SSBP2: variants seen among roughly 807,000 people sequenced by gnomAD.
The protein encoded by SSBP2 is single stranded DNA binding protein 2.
In SSBP2, 17 loss-of-function variants were observed where a neutral mutation model predicts 61.8. The observed-to-expected ratio is 0.28, with a 90% CI of 0.19 to 0.41. The LOEUF (loss-of-function observed/expected upper bound fraction) is 0.41, where lower values mean the gene tolerates loss of function less well. SSBP2 is among the 10% of genes least tolerant of loss of function. The probability of loss-of-function intolerance (pLI) is 1.00; values close to 1 mark genes in which losing one functional copy is unlikely to be tolerated. For synonymous variants in SSBP2, 139 were observed against 141.3 expected (o/e 0.98, Z 0.12); for missense variants, 310 against 458.7 (o/e 0.68, Z 2.96).
chr5:81,691,156 A>G (rs1753176104), intron 1 of SSBP2, among the ~76,000 whole-genome samples: 1 of 152,156 alleles, frequency 6.6e-6, no homozygotes, highest in Non-Finnish European at 1.5e-5. Context: ...AATGCATCTT[A>G]AAGAATTAGA....
intron 6 of SSBP2, among the ~76,000 whole-genome samples, chr5:81,476,033 G>C (rs937076890): frequency 7.2e-5 from 11 of 152,004 alleles, no homozygotes; most frequent in Admixed American, 7.2e-4. Flanking sequence ...ATTGCCAACT[G>C]TTAATATTTT....
intron 4 of SSBP2, among the ~76,000 whole-genome samples, chr5:81,529,059 G>C (rs1770183915): frequency 1.3e-5 from 2 of 151,812 alleles, no homozygotes; most frequent in South Asian, 2.1e-4. Flanking sequence ...TTTAACCTGA[G>C]ACTTGGCAAG....
chr5:81,562,382 T>C (rs1225369988), intron 4 of SSBP2, among the ~76,000 whole-genome samples: 1 of 152,224 alleles, frequency 6.6e-6, no homozygotes, highest in Non-Finnish European at 1.5e-5. Context: ...ATATGCTATC[T>C]TTCATGAAAC....
chr5:81,719,765 T>C (rs1755424285), intron 1 of SSBP2, among the ~76,000 whole-genome samples: 1 of 152,128 alleles, frequency 6.6e-6, no homozygotes, highest in African/African-American at 2.4e-5. Context: ...CACAAGCCTT[T>C]ATTATGGTTT....
intron 4 of SSBP2, among the ~76,000 whole-genome samples, chr5:81,550,151 C>A (rs1407059755): frequency 6.6e-6 from 1 of 152,194 alleles, no homozygotes; most frequent in East Asian, 1.9e-4. Flanking sequence ...TGTTGCTGTA[C>A]ACGAACGTTA....
chr5:81,452,171 G>T (rs1182271991), intron 10 of SSBP2, among the ~76,000 whole-genome samples: 1 of 152,212 alleles, frequency 6.6e-6, no homozygotes, highest in Non-Finnish European at 1.5e-5. Context: ...GGGGCTTATA[G>T]GGGGTTGTGG....
At chr5:81,468,291 C>T (rs1765025430) in intron 8 of SSBP2, among the ~76,000 whole-genome samples, 1 of 152,056 alleles carries the variant, frequency 6.6e-6, no homozygotes, top group East Asian at 1.9e-4. Context: ...ATAGTTCTCT[C>T]CTCTTATTAC....
At chr5:81,741,801 G>T (rs1232804562) in intron 1 of SSBP2, among the ~76,000 whole-genome samples, 1 of 152,186 alleles carries the variant, frequency 6.6e-6, no homozygotes, top group African/African-American at 2.4e-5. Context: ...GGCACTTTTA[G>T]AGTTAAGTAA....
chr5:81,686,983 A>G (rs1484872102), intron 1 of SSBP2, among the ~76,000 whole-genome samples: 1 of 152,194 alleles, frequency 6.6e-6, no homozygotes, highest in African/African-American at 2.4e-5. Flanking sequence ...CCTCCCAGCA[A>G]GAACACCGAA....
chr5:81,535,922 G>A (rs1239236949), intron 4 of SSBP2, among the ~76,000 whole-genome samples: 2 of 152,008 alleles, frequency 1.3e-5, no homozygotes, highest in East Asian at 3.9e-4. Context: ...AAAAACTTCT[G>A]CTCTGTAAAA....
intron 1 of SSBP2, among the ~76,000 whole-genome samples, chr5:81,745,445 C>T (rs889175444): frequency 1.1e-4 from 16 of 152,038 alleles, no homozygotes; most frequent in Admixed American, 7.2e-4. Context: ...ATATTCCAAA[C>T]GCTTCAGATA....
intron 4 of SSBP2, among the ~76,000 whole-genome samples, chr5:81,595,793 A>C (rs995944622): frequency 4.6e-5 from 7 of 152,084 alleles, no homozygotes; most frequent in South Asian, 2.1e-4. Flanking sequence ...ATTCAACAAC[A>C]CTTCATGCTA....
chr5:81,658,038 T>A (rs1750374076), intron 1 of SSBP2, among the ~76,000 whole-genome samples: 1 of 152,214 alleles, frequency 6.6e-6, no homozygotes, highest in Non-Finnish European at 1.5e-5. Flanking sequence ...CTCAAATATT[T>A]ATCTTTTCTG....
intron 4 of SSBP2, among the ~76,000 whole-genome samples, chr5:81,562,849 C>G (rs998579832): frequency 3.3e-5 from 5 of 150,898 alleles, no homozygotes; most frequent in African/African-American, 4.9e-5. Flanking sequence ...AAAATATGTG[C>G]ATGAGCTGTG....
chr5:81,626,930 A>G (rs7707981), intron 3 of SSBP2, among the ~76,000 whole-genome samples: 41,238 of 152,122 alleles, frequency 0.27, 5,821 homozygotes, highest in Non-Finnish European at 0.31. Context: ...TTCTAACTCT[A>G]AATTTGACCT....
rs1210356715 is a variant in SSBP2 at position 81,417,055 on chromosome 5, G to A, written c.*3449C>T. The stretch of plus-strand genomic sequence containing the variant: ...TTTTGTATTTTTAGTAGAGATGGGG[G>A]GGTTTCACCAGGTTGGCCAGGCTGG... On this transcript the variant is annotated 3_prime_UTR_variant, in exon 17 of 17. Coordinates refer to ENST00000320672, the MANE Select transcript of SSBP2 (RefSeq NM_012446.5). The A allele has an allele frequency of 6.6e-6, 1 of 152,126 alleles. No homozygotes were observed. Among genetic ancestry groups the A allele is most frequent in the Admixed American group, 6.5e-5 (1 of 15,270 alleles). 9.4% of individuals were successfully genotyped at this position (152,126 alleles called of 1,614,324 possible).
At chr5:81,652,692 G>T (rs996437370) in intron 1 of SSBP2, among the ~76,000 whole-genome samples, 1 of 152,102 alleles carries the variant, frequency 6.6e-6, no homozygotes, top group Non-Finnish European at 1.5e-5. Context: ...AGCAATGCAT[G>T]GGTGAACAAC....
At chr5:81,457,016 G>A (rs1262850717) in intron 10 of SSBP2, among the ~76,000 whole-genome samples, 1 of 152,190 alleles carries the variant, frequency 6.6e-6, no homozygotes, top group Admixed American at 6.5e-5. Flanking sequence ...GTGTGGGTGT[G>A]TATACACATA....
chr5:81,676,773 T>A (rs569410144), intron 1 of SSBP2, among the ~76,000 whole-genome samples: 1 of 152,306 alleles, frequency 6.6e-6, no homozygotes, highest in East Asian at 1.9e-4. Flanking sequence ...GTATAGTAGC[T>A]AGTTATTTTA....
Sources: allele counts gnomAD v4.1 joint callset (sites outside exome capture counted in the v4.1 genomes callset), GRCh38; gene constraint gnomAD v4.1.1; transcripts MANE v1.5; gene names NCBI Gene and HGNC (gene_info 2026-07-23, HGNC 2026-07-21).